Variants in FOXRED2 observed in about 807,000 individuals in gnomAD.
FOXRED2 encodes FAD-dependent oxidoreductase domain-containing protein 2.
A neutral mutation model predicts 52.5 loss-of-function variants in FOXRED2; 32 were observed. The observed-to-expected ratio is 0.61, with a 90% CI of 0.46 to 0.82. The LOEUF (loss-of-function observed/expected upper bound fraction) is 0.82, where lower values mean the gene tolerates loss of function less well. Among genes scored for constraint, FOXRED2 ranks in the 40% least tolerant of loss-of-function variants. The probability of loss-of-function intolerance (pLI) is 0.00; values close to 1 mark genes in which losing one functional copy is unlikely to be tolerated. For synonymous variants in FOXRED2, 405 were observed against 398.1 expected (o/e 1.02, Z -0.21); for missense variants, 848 against 937.5 (o/e 0.90, Z 1.25).
At chr22:36,500,224 T>C (rs1266240544) in intron 5 of FOXRED2, among the ~76,000 whole-genome samples, 2 of 152,132 alleles carry the variant, frequency 1.3e-5, no homozygotes, top group Non-Finnish European at 2.9e-5. Context: ...TTAATTCCCA[T>C]AATGGTGAGA....
intron 8 of FOXRED2, among the ~76,000 whole-genome samples, chr22:36,491,610 G>A (rs1223158987): frequency 6.6e-6 from 1 of 151,998 alleles, no homozygotes; most frequent in Non-Finnish European, 1.5e-5. Flanking sequence ...TCACCATGTT[G>A]GCCTGGCTTG....
Position 36,498,019 on chromosome 22 carries a change from C to T in FOXRED2, c.1354G>A (p.Val452Met). Residue 452 changes from valine (V) to methionine (M), a missense_variant, in exon 6 of 9, where the codon GTG (valine) becomes ATG (methionine). Transcript: ENST00000397224. ...EASGLYQMFG[V>M]LADVILLKEN... ...TTCAACAGGATGACATCGGCCAGCA[C>T]ACCGAACATCTGGTAGAGCCCAGAA... The T allele has an allele frequency of 6.2e-7, 1 of 1,614,084 alleles. No individual in the cohort carries two copies. The highest frequency in any genetic ancestry group is 8.5e-7 in the Non-Finnish European group (1 of 1,180,004).
chr22:36,488,726 C>T lies in FOXRED2; in HGVS notation c.*1282G>A, dbSNP rs1933670800. 1 of 152,156 alleles carries T rather than the reference C, an allele frequency of 6.6e-6. No homozygotes were observed. The highest frequency in any genetic ancestry group is 1.5e-5 in the Non-Finnish European group (1 of 68,052). 9.4% of individuals were successfully genotyped at this position (152,156 alleles called of 1,614,324 possible). The stretch of plus-strand genomic sequence containing the variant: ...CCTCTCCAGTAGCTGGGATTATAGA[C>T]ATGTGCTACCACGCCTGGCTAGTTT... On this transcript the variant is annotated 3_prime_UTR_variant, in exon 9 of 9. Transcript: ENST00000397224.
intron 4 of FOXRED2, among the ~76,000 whole-genome samples, chr22:36,501,883 C>T (rs554765274): frequency 7.2e-5 from 11 of 152,142 alleles, no homozygotes; most frequent in East Asian, 3.9e-4. Context: ...GAGATGAAGT[C>T]GGCCAGGCGA....
intron 6 of FOXRED2, 28 bp downstream of exon 6, chr22:36,497,963 G>A (rs1168797139): frequency 1.2e-6 from 2 of 1,602,176 alleles, no homozygotes. Context: ...CTGGGCCGAG[G>A]GGAGTAGGGT....
chr22:36,491,391 G>A (rs964832362), intron 8 of FOXRED2, among the ~76,000 whole-genome samples: 28 of 152,116 alleles, frequency 1.8e-4, no homozygotes, highest in Non-Finnish European at 4.0e-4. Flanking sequence ...CATCACAGGA[G>A]TGGTTTCTTT....
At chr22:36,490,874 C>T (rs771341716) in intron 8 of FOXRED2, among the ~76,000 whole-genome samples, 33 of 152,290 alleles carry the variant, frequency 2.2e-4, no homozygotes, top group Middle Eastern at 6.8e-3. Context: ...TATGAAGAAA[C>T]GGCCGGGCGT....
At chr22:36,502,399 A>G (rs1028460073) in intron 4 of FOXRED2, among the ~76,000 whole-genome samples, 6 of 152,250 alleles carry the variant, frequency 3.9e-5, no homozygotes, top group Non-Finnish European at 8.8e-5. Flanking sequence ...GCTTCATAAA[A>G]TAGCCCTTCA....
Position 36,501,381 on chromosome 22 carries a change from G to A in FOXRED2, c.1076C>T (p.Ala359Val), listed in dbSNP as rs1456383739. Reference protein sequence around the residue: ...NKSLRLNSGNAFGKKYPLIRA... With the variant: ...NKSLRLNSGNVFGKKYPLIRA... ...AATCAGCGGGTACTTCTTGCCGAAT[G>A]CATTTCCCGAGTTAAGTCTGAGGGA... Residue 359 changes from alanine to valine, a missense_variant, in exon 5 of 9, where the codon GCA becomes GTA. By Grantham distance (64) the Ala-to-Val change is moderately conservative. Coordinates refer to ENST00000397224, the MANE Select transcript of FOXRED2 (RefSeq NM_001102371.2). The A allele has an allele frequency of 6.2e-6, 10 of 1,614,008 alleles. No individual in the cohort carries two copies.
Position 36,490,004 on chromosome 22 carries a change from A to C in FOXRED2, c.*4T>G. ...CACTGTGCCCACAGCTTAGGAAGGG[A>C]CAGTCAGAGCTCCTCTTTGTTGCTA... is the stretch of plus-strand genomic sequence containing the variant. On this transcript the variant is annotated 3_prime_UTR_variant, in exon 9 of 9. Coordinates refer to ENST00000397224, the MANE Select transcript of FOXRED2 (RefSeq NM_001102371.2). The C allele has an allele frequency of 6.4e-7, 1 of 1,562,408 alleles. No homozygotes were observed. The highest frequency in any genetic ancestry group is 8.7e-7 in the Non-Finnish European group (1 of 1,149,942).
chr22:36,491,046 C>A (rs1179260960), intron 8 of FOXRED2, among the ~76,000 whole-genome samples: 1 of 152,088 alleles, frequency 6.6e-6, no homozygotes, highest in African/African-American at 2.4e-5. Context: ...CCTGTAATCC[C>A]AGCTACTCGG....
chr22:36,490,383 C>A, intron 8 of FOXRED2, 116 bp from the exon 9 acceptor site: 2 of 1,209,984 alleles, frequency 1.7e-6, no homozygotes, highest in Non-Finnish European at 2.3e-6. Context: ...TGCCTGGTAT[C>A]TTCCATCCCT....
chr22:36,495,085 G>C (rs1330927349), intron 7 of FOXRED2, among the ~76,000 whole-genome samples: 1 of 152,130 alleles, frequency 6.6e-6, no homozygotes, highest in Non-Finnish European at 1.5e-5. Flanking sequence ...TGAATAGCTG[G>C]GATTACAGGC....
At position 36,491,158 on chromosome 22, in the gene FOXRED2, GA is replaced by G. The variant is rs530975557; in HGVS notation, c.1796-892del. ...GCCTGGGTGACAGAGACTCTGTCTC[GA>G]AAAAAAAAAGAAAGAAAAAGAAATA... On this transcript the variant is annotated intron_variant, in intron 8 of 8. Coordinates refer to ENST00000397224, the MANE Select transcript of FOXRED2 (RefSeq NM_001102371.2). Among the ~76,000 whole-genome samples, 188 of 144,588 alleles carry G rather than the reference GA, an allele frequency of 1.3e-3. 1 individual carries two copies. The highest frequency in any genetic ancestry group is 1.8e-3 in the Non-Finnish European group (115 of 65,562). 94.9% of individuals were successfully genotyped at this position (144,588 alleles called of 152,430 possible).
intron 5 of FOXRED2, among the ~76,000 whole-genome samples, chr22:36,499,693 A>T (rs1271235206): frequency 1.4e-5 from 1 of 69,396 alleles, no homozygotes; most frequent in Non-Finnish European, 4.1e-5. Flanking sequence ...TTTCAAATAG[A>T]CTCACCTAAC....
chr22:36,490,286 AG>A lies in FOXRED2; in HGVS notation c.1796-20del. On this transcript the variant is annotated intron_variant, in intron 8 of 8. Transcript: ENST00000397224. Reference sequence around the variant, plus strand: ...CAGGACTCTACACAAAAGCAAAATGAGGAGAATGAGCCAGGCTGGGACATGT... The same window carrying A: ...CAGGACTCTACACAAAAGCAAAATGAGAGAATGAGCCAGGCTGGGACATGT... 6.4e-7 allele frequency: 1 copy of A among 1,571,676 alleles called. No homozygotes were observed. The highest frequency in any genetic ancestry group is 8.7e-7 in the Non-Finnish European group (1 of 1,154,368).
chr22:36,495,968 G>A lies in FOXRED2; in HGVS notation c.1623C>T (p.Thr541=), dbSNP rs552199135. ...GGGGAAGGGCAGAGACCTGCTCACCGGTGGGGAGGTATCTATAGTAGTAGA... is the reference window on the plus strand; with the variant it reads ...GGGGAAGGGCAGAGACCTGCTCACCAGTGGGGAGGTATCTATAGTAGTAGA... ...PVIYYYRYLP[T]EQEVRFRPAH... Residue 541 remains threonine, a splice_region_variant and synonymous_variant, in exon 7 of 9, where the codon ACC becomes ACT. Coordinates refer to ENST00000397224, the MANE Select transcript of FOXRED2 (RefSeq NM_001102371.2). 2.8e-5 allele frequency: 45 copies of A among 1,613,586 alleles called. No individual in the cohort carries two copies. The highest frequency in any genetic ancestry group is 1.6e-4 in the Middle Eastern group (1 of 6,082).
intron 5 of FOXRED2, among the ~76,000 whole-genome samples, chr22:36,500,671 C>A (rs976832914): frequency 5.3e-5 from 8 of 151,182 alleles, no homozygotes; most frequent in African/African-American, 1.9e-4. Flanking sequence ...GCAACCTCCA[C>A]CTCCTGGGTT....
chr22:36,497,170 ACT>A (rs976676753), intron 6 of FOXRED2, among the ~76,000 whole-genome samples: 8 of 148,260 alleles, frequency 5.4e-5, no homozygotes, highest in African/African-American at 1.8e-4. Flanking sequence ...ACATAGTGAG[ACT>A]CTGAGTCAAA....
Sources: gnomAD v4.1 joint callset for allele counts (sites outside exome capture counted in the v4.1 genomes callset) on GRCh38, gnomAD v4.1.1 for gene constraint, MANE v1.5 for transcripts, NCBI Gene and HGNC (gene_info 2026-07-23, HGNC 2026-07-21) for gene names.